Variants in GPR158 observed in about 807,000 individuals in gnomAD.
GPR158 encodes metabotropic glycine receptor.
GPR158 carries 30 observed loss-of-function variants against 78.2 expected under a neutral mutation model. The observed-to-expected ratio is 0.38, with a 90% CI of 0.29 to 0.52. GPR158 has a LOEUF of 0.52. Among genes scored for constraint, GPR158 ranks in the 20% least tolerant of loss-of-function variants. The pLI is 0.83. For synonymous variants in GPR158, 581 were observed against 591.1 expected (o/e 0.98, Z 0.25); for missense variants, 1,463 against 1,523.5 (o/e 0.96, Z 0.66).
intron 6 of GPR158, among the ~76,000 whole-genome samples, chr10:25,569,595 G>T (rs1836977143): frequency 6.6e-6 from 1 of 152,138 alleles, no homozygotes; most frequent in South Asian, 2.1e-4. Flanking sequence ...ACCAAACTTT[G>T]CTTCCTGCCA....
intron 7 of GPR158, 47 bp downstream of exon 7, chr10:25,572,934 G>C (rs1837031350): frequency 9.2e-7 from 1 of 1,084,892 alleles, no homozygotes; most frequent in African/African-American, 1.5e-5. Context: ...TTTTTCAGTA[G>C]CATTACAACT....
intron 2 of GPR158, among the ~76,000 whole-genome samples, chr10:25,387,450 T>C (rs1256676331): frequency 1.3e-5 from 2 of 152,222 alleles, no homozygotes; most frequent in African/African-American, 4.8e-5. Flanking sequence ...AGTATACTTA[T>C]CTGGCTTTGG....
At chr10:25,213,186 G>T (rs1853159024) in intron 1 of GPR158, among the ~76,000 whole-genome samples, 1 of 151,714 alleles carries the variant, frequency 6.6e-6, no homozygotes, top group Admixed American at 6.6e-5. Context: ...AATTAGTCAA[G>T]AATTCAGTAC....
intron 1 of GPR158, among the ~76,000 whole-genome samples, chr10:25,190,330 G>T (rs1852756108): frequency 6.6e-6 from 1 of 151,450 alleles, no homozygotes; most frequent in African/African-American, 2.4e-5. Context: ...CATAGACATT[G>T]TTATTATTAT....
intron 4 of GPR158, among the ~76,000 whole-genome samples, chr10:25,426,644 C>G (rs896468515): frequency 6.6e-6 from 1 of 152,026 alleles, no homozygotes; most frequent in African/African-American, 2.4e-5. Context: ...TGCTGTCTTA[C>G]ATGGGTGAGG....
intron 4 of GPR158, 76 bp downstream of exon 4, chr10:25,412,549 A>G (rs1834606755): frequency 2.0e-6 from 2 of 991,244 alleles, no homozygotes; most frequent in Non-Finnish European, 3.2e-6. Flanking sequence ...AGAATTTTCC[A>G]ATTCAAGTTG....
chr10:25,226,122 A>G lies in GPR158; in HGVS notation c.1008+4965A>G, dbSNP rs948907682. Among the ~76,000 whole-genome samples the G allele has an allele frequency of 2.6e-5, 4 of 152,276 alleles. No individual in the cohort carries two copies. The East Asian group carries it at 7.7e-4, about 29-fold the overall frequency. ...CTTTTCTCCAGAAAGTTTCTGTTTA[A>G]CAAATACTATTGTTCACCTATCTCT... On this transcript the variant is annotated intron_variant, in intron 2 of 10. Coordinates refer to ENST00000376351, the MANE Select transcript of GPR158 (RefSeq NM_020752.3).
chr10:25,548,624 A>G (rs962501716), intron 5 of GPR158, among the ~76,000 whole-genome samples: 3 of 152,290 alleles, frequency 2.0e-5, no homozygotes, highest in Middle Eastern at 3.4e-3. Flanking sequence ...AAGCCCCACA[A>G]CTAAGAAAGA....
intron 2 of GPR158, among the ~76,000 whole-genome samples, chr10:25,373,443 T>G (rs1156989130): frequency 6.6e-6 from 1 of 151,990 alleles, no homozygotes; most frequent in Admixed American, 6.6e-5. Context: ...TAATAATTAT[T>G]GCTATAGATG....
Position 25,599,016 on chromosome 10 carries a change from G to T in GPR158, c.3390G>T (p.Glu1130Asp). The T allele has an allele frequency of 6.2e-7, 1 of 1,614,122 alleles. No homozygotes were observed. The highest frequency in any genetic ancestry group is 8.5e-7 in the Non-Finnish European group (1 of 1,180,014). The change falls in exon 11 of 11, where the codon GAG (glutamate) becomes GAT (aspartate). Residue 1130 changes from glutamate (E) to aspartate (D), a missense_variant. Transcript: ENST00000376351. ...CCAAAGCTGTAGCATCAAAAACAGA[G>T]AATGAAAATCTCAACCAAATAGGAC... Reference protein sequence around the residue: ...LPPKAVASKTENENLNQIGHQ... With the variant: ...LPPKAVASKTDNENLNQIGHQ...
intron 5 of GPR158, among the ~76,000 whole-genome samples, chr10:25,519,202 CTT>C (rs1311824015): frequency 9.5e-6 from 1 of 105,114 alleles, no homozygotes; most frequent in South Asian, 3.1e-4. Context: ...CAACCCCTGC[CTT>C]TTTTTGTTTT....
rs959995902 is a variant in GPR158, at chr10:25,462,791, T to C, written c.1336-3860T>C. On this transcript the variant is annotated intron_variant, in intron 4 of 10. Coordinates refer to ENST00000376351, the MANE Select transcript of GPR158 (RefSeq NM_020752.3). ...AGTTACCATAATCTCATGATAAAACTTGAATGAATGAGGAGTTGCTTCTTA... is the reference window on the plus strand; with the variant it reads ...AGTTACCATAATCTCATGATAAAACCTGAATGAATGAGGAGTTGCTTCTTA... Among the ~76,000 whole-genome samples, 3 of 152,228 alleles carry C rather than the reference T, an allele frequency of 2.0e-5. No individual in the cohort carries two copies. The South Asian group carries it at 6.2e-4, about 31-fold the overall frequency.
At chr10:25,596,848 G>A in intron 10 of GPR158, 59 bp downstream of exon 10, 1 of 1,489,162 alleles carries the variant, frequency 6.7e-7, no homozygotes, top group Admixed American at 1.8e-5. Flanking sequence ...ATACAGGCAG[G>A]CGTGTGTGGG....
At chr10:25,331,217 G>A (rs1035606511) in intron 2 of GPR158, among the ~76,000 whole-genome samples, 1 of 152,114 alleles carries the variant, frequency 6.6e-6, no homozygotes, top group African/African-American at 2.4e-5. Context: ...TGGGATTACA[G>A]GTGTGAACCA....
At chr10:25,491,450 G>A (rs1835808032) in intron 5 of GPR158, among the ~76,000 whole-genome samples, 1 of 152,140 alleles carries the variant, frequency 6.6e-6, no homozygotes, top group Admixed American at 6.6e-5. Context: ...AAAGAATGAA[G>A]TATAAGCCTT....
intron 2 of GPR158, among the ~76,000 whole-genome samples, chr10:25,286,057 T>A (rs1854347375): frequency 6.6e-6 from 1 of 152,190 alleles, no homozygotes; most frequent in Non-Finnish European, 1.5e-5. Context: ...ACGTTCAATA[T>A]TTTTTCTTTA....
chr10:25,360,165 A>C (rs576914987), intron 2 of GPR158, among the ~76,000 whole-genome samples: 7 of 152,164 alleles, frequency 4.6e-5, no homozygotes, highest in African/African-American at 1.7e-4. Context: ...CCTTTGTCAG[A>C]TGGATAGATT....
chr10:25,276,556 C>A (rs1230281470), intron 2 of GPR158, among the ~76,000 whole-genome samples: 4 of 152,046 alleles, frequency 2.6e-5, no homozygotes. Context: ...AAAACAAAAT[C>A]TAGACAGAGA....
Position 25,572,936 on chromosome 10 carries a change from A to C in GPR158, c.1753+49A>C. The stretch of plus-strand genomic sequence containing the variant: ...GATGGTCTTACCATTTTTCAGTAGC[A>C]TTACAACTGACTTCTTTAAAAGTCT... On this transcript the variant is annotated intron_variant, in intron 7 of 10. Transcript: ENST00000376351. 2.8e-6 allele frequency: 3 copies of C among 1,061,168 alleles called. 1 individual carries two copies. The South Asian group carries it at 3.8e-5, about 13-fold the overall frequency. The allele number at this position is 1,061,168 out of a possible 1,614,324, so 65.7% of individuals were successfully genotyped here. A position where few individuals can be genotyped will look rare whatever the true frequency, so the allele number is the denominator to read the frequency against.
Sources: allele counts gnomAD v4.1 joint callset (sites outside exome capture counted in the v4.1 genomes callset), GRCh38; gene constraint gnomAD v4.1.1; transcripts MANE v1.5; gene names NCBI Gene and HGNC (gene_info 2026-07-23, HGNC 2026-07-21).